The following INPP4B variants were observed in gnomAD, a reference collection of about 807,000 sequenced individuals.
The protein encoded by INPP4B is inositol polyphosphate 4-phosphatase type II.
Under a neutral mutation model 122.5 loss-of-function variants are expected in INPP4B, and 55 were observed. That is an observed-to-expected ratio of 0.45 (90% confidence interval 0.36 to 0.56). The LOEUF (loss-of-function observed/expected upper bound fraction) is 0.56, where lower values mean the gene tolerates loss of function less well. INPP4B is among the 20% of genes least tolerant of loss of function. The pLI is 0.00. For synonymous variants in INPP4B, 403 were observed against 388.7 expected (o/e 1.04, Z -0.43); for missense variants, 1,000 against 1,097.7 (o/e 0.91, Z 1.26).
intron 22 of INPP4B, among the ~76,000 whole-genome samples, chr4:142,109,172 T>C (rs1163859844): frequency 6.6e-6 from 1 of 151,768 alleles, no homozygotes; most frequent in Non-Finnish European, 1.5e-5. Flanking sequence ...TGTCATTATA[T>C]ATTAAGATAT....
chr4:142,682,284 T>G (rs1281282738), intron 2 of INPP4B, among the ~76,000 whole-genome samples: 1 of 151,832 alleles, frequency 6.6e-6, no homozygotes, highest in Non-Finnish European at 1.5e-5. Context: ...TCCCTCTCTC[T>G]CTCTTTCTCT....
intron 1 of INPP4B, among the ~76,000 whole-genome samples, chr4:142,734,481 T>C (rs1766537292): frequency 6.6e-6 from 1 of 152,222 alleles, no homozygotes; most frequent in Non-Finnish European, 1.5e-5. Context: ...TGTTGTTTCT[T>C]GATCTAGGTG....
chr4:142,606,153 C>G (rs1308024048), intron 2 of INPP4B, among the ~76,000 whole-genome samples: 1 of 151,850 alleles, frequency 6.6e-6, no homozygotes, highest in African/African-American at 2.4e-5. Flanking sequence ...CACAGAAAGA[C>G]AAACAGTGTG....
intron 2 of INPP4B, among the ~76,000 whole-genome samples, chr4:142,706,888 T>C (rs1762538471): frequency 1.3e-5 from 2 of 152,244 alleles, no homozygotes; most frequent in Non-Finnish European, 2.9e-5. Flanking sequence ...CCTGGAAATC[T>C]AAAATTTGCA....
chr4:142,187,082 A>C (rs1233435968), intron 15 of INPP4B, among the ~76,000 whole-genome samples: 1 of 3,194 alleles, frequency 3.1e-4, no homozygotes, highest in African/African-American at 4.5e-4. Context: ...ACTAACTCAC[A>C]GGAGGAAAAA....
intron 2 of INPP4B, among the ~76,000 whole-genome samples, chr4:142,551,045 A>C (rs1298158823): frequency 3.9e-5 from 6 of 152,200 alleles, no homozygotes; most frequent in Non-Finnish European, 8.8e-5. Flanking sequence ...TAACCAAGGA[A>C]TCGTAAAGAG....
rs2149452107 is a variant in INPP4B at position 142,201,814 on chromosome 4, A to G, written c.1072+6611T>C. ...CAATTTGGTCGGTAAAATCCGTATT[A>G]TCATTTAAAAAATATTTTTATTGTA... On this transcript the variant is annotated intron_variant, in intron 14 of 25. Coordinates refer to ENST00000262992, the MANE Select transcript of INPP4B (RefSeq NM_001101669.3). Among the ~76,000 whole-genome samples the G allele has an allele frequency of 2.6e-5, 4 of 152,240 alleles. 1 individual carries two copies. Among genetic ancestry groups the G allele is most frequent in the African/African-American group, 9.6e-5 (4 of 41,574 alleles).
intron 6 of INPP4B, 47 bp downstream of exon 6, chr4:142,405,159 A>AAGAAAGAGAG: frequency 1.0e-6 from 1 of 969,576 alleles, no homozygotes; most frequent in Non-Finnish European, 1.6e-6. Flanking sequence ...GCGAGCCAGC[A>AAGAAAGAGAG]AGAGAGAGAG....
chr4:142,436,174 C>T (rs1350593470), intron 3 of INPP4B, among the ~76,000 whole-genome samples: 2 of 152,164 alleles, frequency 1.3e-5, no homozygotes, highest in Non-Finnish European at 2.9e-5. Context: ...CAGACACTGA[C>T]CCATCCCTCC....
rs1275591285 is a variant in INPP4B, at chr4:142,102,183, A to C, written c.2374+5910T>G. 2.6e-5 allele frequency among the ~76,000 whole-genome samples: 4 copies of C among 152,192 alleles called. No individual in the cohort carries two copies. In the East Asian group the frequency reaches 7.7e-4, roughly 29 times the overall value. On this transcript the variant is annotated intron_variant, in intron 23 of 25. Transcript: ENST00000262992. ...GACTCTATATTTCAAATAAGATTTAAGATAAATTGAAATACTAAAAATGGA... is the reference window on the plus strand; with the variant it reads ...GACTCTATATTTCAAATAAGATTTACGATAAATTGAAATACTAAAAATGGA...
chr4:142,598,796 C>G (rs1188289378), intron 2 of INPP4B, among the ~76,000 whole-genome samples: 2 of 152,154 alleles, frequency 1.3e-5, no homozygotes, highest in Non-Finnish European at 2.9e-5. Context: ...TGTGCTCAGA[C>G]TCATGCACAG....
At chr4:142,129,058 T>C (rs564941137) in intron 18 of INPP4B, among the ~76,000 whole-genome samples, 11 of 152,286 alleles carry the variant, frequency 7.2e-5, no homozygotes, top group Admixed American at 2.6e-4. Context: ...AGTAAAAAGA[T>C]TGCACATGCA....
chr4:142,800,324 A>G (rs1005660676), intron 1 of INPP4B, among the ~76,000 whole-genome samples: 8 of 152,142 alleles, frequency 5.3e-5, no homozygotes, highest in Non-Finnish European at 7.4e-5. Context: ...TATGGCCAGC[A>G]TATCTACATG....
intron 2 of INPP4B, among the ~76,000 whole-genome samples, chr4:142,552,890 T>A (rs1580352534): frequency 6.6e-6 from 1 of 152,284 alleles, no homozygotes; most frequent in South Asian, 2.1e-4. Flanking sequence ...TATAGTCCAG[T>A]CATAATCATT....
chr4:142,056,337 C>A (rs186015913), intron 25 of INPP4B, among the ~76,000 whole-genome samples: 21 of 152,234 alleles, frequency 1.4e-4, no homozygotes, highest in Non-Finnish European at 2.5e-4. Context: ...GAGGCTTGAA[C>A]TCTCTAAACA....
At chr4:142,548,377 C>G (rs1481150203) in intron 2 of INPP4B, among the ~76,000 whole-genome samples, 1 of 151,708 alleles carries the variant, frequency 6.6e-6, no homozygotes, top group South Asian at 2.1e-4. Context: ...AACAGAGACA[C>G]AAAAAAGGTC....
intron 2 of INPP4B, among the ~76,000 whole-genome samples, chr4:142,612,987 A>G (rs1742892337): frequency 6.6e-6 from 1 of 152,228 alleles, no homozygotes; most frequent in Admixed American, 6.5e-5. Flanking sequence ...TGTAAGTGCC[A>G]TATAGAAAAC....
At chr4:142,089,748 C>T (rs1356356877) in intron 23 of INPP4B, among the ~76,000 whole-genome samples, 1 of 152,106 alleles carries the variant, frequency 6.6e-6, no homozygotes, top group Non-Finnish European at 1.5e-5. Flanking sequence ...ACATTGCACT[C>T]GAAATTTTTG....
At chr4:142,582,221 T>C (rs1735248670) in intron 2 of INPP4B, among the ~76,000 whole-genome samples, 1 of 150,824 alleles carries the variant, frequency 6.6e-6, no homozygotes, top group Non-Finnish European at 1.5e-5. Flanking sequence ...TACTCACAAA[T>C]GGCTATAGGT....
Sources: allele counts gnomAD v4.1 joint callset (sites outside exome capture counted in the v4.1 genomes callset), GRCh38; gene constraint gnomAD v4.1.1; transcripts MANE v1.5; gene names NCBI Gene and HGNC (gene_info 2026-07-23, HGNC 2026-07-21).